Variants in IQANK1 observed in about 807,000 individuals in gnomAD.
IQANK1 encodes the protein IQ motif and ankyrin repeat containing 1.
A neutral mutation model predicts 22.6 loss-of-function variants in IQANK1; 30 were observed. The ratio of observed to expected loss-of-function variants is 1.33; its 90% confidence interval spans 0.99 to 1.80. The LOEUF is 1.80. Ranked by LOEUF, IQANK1 falls within the 40% of genes most tolerant of loss-of-function variation. IQANK1 has a pLI of 0.00. For synonymous variants in IQANK1, 122 were observed against 99.6 expected, an observed-to-expected ratio of 1.23 and a Z score of -1.34; for missense variants, 275 against 235.2, an observed-to-expected ratio of 1.17 and a Z score of -1.11.
At chr8:143,765,850 C>G (rs1819472999) in intron 3 of IQANK1, among the ~76,000 whole-genome samples, 1 of 152,208 alleles carries the variant, frequency 6.6e-6, no homozygotes. Flanking sequence ...ATTCATTCTA[C>G]TGCTGGTAGA....
At chr8:143,768,673 C>T (rs143847294) in intron 3 of IQANK1, among the ~76,000 whole-genome samples, 118 of 152,224 alleles carry the variant, frequency 7.8e-4, no homozygotes, top group Non-Finnish European at 1.4e-3. Context: ...TGTGGACTCA[C>T]TGACGTTTAT....
chr8:143,775,196 T>C (rs1554630230), intron 7 of IQANK1, among the ~76,000 whole-genome samples: 1 of 151,998 alleles, frequency 6.6e-6, no homozygotes, highest in Non-Finnish European at 1.5e-5. Context: ...TCCTAGTTTG[T>C]ATGTTGTACC....
At chr8:143,749,223 TA>T (rs1554627719) in intron 3 of IQANK1, among the ~76,000 whole-genome samples, 3 of 111,002 alleles carry the variant, frequency 2.7e-5, no homozygotes, top group African/African-American at 1.4e-4. Context: ...ATATCATATA[TA>T]AATATATACC....
chr8:143,739,981 T>G (rs1554626252), intron 3 of IQANK1, 33 bp downstream of exon 3: 1 of 676,200 alleles, frequency 1.5e-6, no homozygotes, highest in East Asian at 2.8e-5. Context: ...CCGCTGTGGG[T>G]GACCGGGTGA....
chr8:143,761,126 TC>T (rs1819388163), intron 3 of IQANK1, among the ~76,000 whole-genome samples: 1 of 152,150 alleles, frequency 6.6e-6, no homozygotes, highest in South Asian at 2.1e-4. Flanking sequence ...GGGGCGCAGA[TC>T]GGGGTAGGGC....
At position 143,771,868 on chromosome 8, in the gene IQANK1, C is replaced by T. The variant is rs574937143; in HGVS notation, c.374C>T (p.Ala125Val). 7.2e-3 allele frequency: 2,858 copies of T among 394,758 alleles called. 23 individuals carry two copies. The highest frequency in any genetic ancestry group is 0.012 in the Middle Eastern group (19 of 1,568). 24.5% of individuals were successfully genotyped at this position (394,758 alleles called of 1,614,324 possible). A position where few individuals can be genotyped will look rare whatever the true frequency, so the allele number is the denominator to read the frequency against. The change falls in exon 5 of 14, where the codon GCG becomes GTG. Residue 125 changes from alanine to valine, a missense_variant. Ala to Val is a moderately conservative substitution (Grantham distance 64). Transcript: ENST00000527139. The surrounding 1 kb of genome is among the most constrained non-coding windows in gnomAD (Gnocchi z 6.0). ...ARRLREQEEAAQRERREELQR... is the reference protein window; with the variant it reads ...ARRLREQEEAVQRERREELQR... ...CGGCTGCGCGAGCAGGAGGAGGCGG[C>T]GCAGCGGGAGCGGCGGGAGGAGCTG...
intron 7 of IQANK1, among the ~76,000 whole-genome samples, chr8:143,785,364 C>T (rs955046569): frequency 1.4e-5 from 2 of 147,754 alleles, no homozygotes; most frequent in Admixed American, 6.9e-5. Context: ...TCAAGCGATT[C>T]TCATGCCTCA....
intron 3 of IQANK1, chr8:143,759,618 G>C (rs1819357500): frequency 6.6e-6 from 1 of 152,250 alleles, no homozygotes; most frequent in Non-Finnish European, 1.5e-5. Flanking sequence ...GGTGCAGTTG[G>C]AATAGCCACC....
chr8:143,749,478 G>GTATAAATA (rs1819140413), intron 3 of IQANK1, among the ~76,000 whole-genome samples: 1 of 125,414 alleles, frequency 8.0e-6, no homozygotes, highest in African/African-American at 3.2e-5. Context: ...ATAAATATAT[G>GTATAAATA]TATAAATATA....
At position 143,739,965 on chromosome 8, in the gene IQANK1, C is replaced by T. The variant is rs781898015; in HGVS notation, c.175+17C>T. 41 of 683,926 alleles carry T rather than the reference C, an allele frequency of 6.0e-5. No homozygotes were observed. In the Middle Eastern group the frequency reaches 9.4e-4, roughly 16 times the overall value. The allele number at this position is 683,926 out of a possible 1,614,324, so 42.4% of individuals were successfully genotyped here. On this transcript the variant is annotated intron_variant, in intron 3 of 13. Coordinates refer to ENST00000527139, the MANE Select transcript of IQANK1 (RefSeq NM_001381874.1). ...CCCCCACAGGTGAGAGCCCGCACGT[C>T]CCGCGCCGCTGTGGGTGACCGGGTG...
At chr8:143,786,196 A>G (rs62526409) in intron 7 of IQANK1, among the ~76,000 whole-genome samples, 10,861 of 152,240 alleles carry the variant, frequency 0.071, 713 homozygotes, top group African/African-American at 0.17. Context: ...AATCATTTGA[A>G]GCCTAGAAAG....
At position 143,771,615 on chromosome 8, in the gene IQANK1, G is replaced by T. The variant is rs1436355462; in HGVS notation, c.303G>T (p.Lys101Asn). ...EYLEQMETPQ[K>N]EAYLAPVRRE... ...TGGAGCAGATGGAGACGCCGCAGAA[G>T]GAGGTGAGGACGGGCAGCCGCAACA... Residue 101 changes from lysine (K) to asparagine (N), a missense_variant, in exon 4 of 14, where the codon AAG (lysine) becomes AAT (asparagine). Transcript: ENST00000527139. The surrounding 1 kb of genome is among the most constrained non-coding windows in gnomAD (Gnocchi z 6.0). 9 of 398,754 alleles carry T rather than the reference G, an allele frequency of 2.3e-5. No individual in the cohort carries two copies. The highest frequency in any genetic ancestry group is 4.0e-5 in the Non-Finnish European group (9 of 226,362). 24.7% of individuals were successfully genotyped at this position (398,754 alleles called of 1,614,324 possible).
chr8:143,776,047 C>T (rs561949245), intron 7 of IQANK1, among the ~76,000 whole-genome samples: 66 of 146,978 alleles, frequency 4.5e-4, no homozygotes, highest in Admixed American at 1.3e-3. Flanking sequence ...AGCGGCCGGG[C>T]GCGGCGGCTC....
At chr8:143,765,356 C>CA (rs576776825) in intron 3 of IQANK1, among the ~76,000 whole-genome samples, 4,904 of 142,370 alleles carry the variant, frequency 0.034, 212 homozygotes, top group African/African-American at 0.1. Context: ...GACCTTGTCT[C>CA]AAAAAAAAAA....
intron 2 of IQANK1, among the ~76,000 whole-genome samples, chr8:143,736,996 C>T (rs1037662654): frequency 6.6e-6 from 1 of 152,260 alleles, no homozygotes; most frequent in South Asian, 2.1e-4. Flanking sequence ...GCCTAACACC[C>T]CTGGTTGCCA....
chr8:143,762,535 A>C (rs1554628944), intron 3 of IQANK1, among the ~76,000 whole-genome samples: 1 of 152,152 alleles, frequency 6.6e-6, no homozygotes. Flanking sequence ...AGCATACTGC[A>C]CTGTCAAGAT....
intron 3 of IQANK1, among the ~76,000 whole-genome samples, chr8:143,748,335 G>A (rs986751415): frequency 6.6e-6 from 1 of 150,620 alleles, no homozygotes; most frequent in East Asian, 1.9e-4. Flanking sequence ...CTTCTGCCTG[G>A]TGGTTCTATC....
intron 7 of IQANK1, among the ~76,000 whole-genome samples, chr8:143,782,472 CTTTTTTTCT>C (rs1554631031): frequency 6.6e-6 from 1 of 151,798 alleles, no homozygotes; most frequent in African/African-American, 2.4e-5. Context: ...TCTTGCTTTT[CTTTTTTTCT>C]TTTTCTTTTT....
chr8:143,750,988 C>T (rs911136298), intron 3 of IQANK1, among the ~76,000 whole-genome samples: 1 of 150,414 alleles, frequency 6.6e-6, no homozygotes, highest in African/African-American at 2.4e-5. Context: ...TGAAATGTTT[C>T]AATTTCTTCC....
Sources: gnomAD v4.1 joint callset for allele counts (sites outside exome capture counted in the v4.1 genomes callset) on GRCh38, gnomAD v4.1.1 for gene constraint, Gnocchi (gnomAD v3.1) non-coding constraint, MANE v1.5 for transcripts, NCBI Gene and HGNC (gene_info 2026-07-23, HGNC 2026-07-21) for gene names.